The following ENKUR variants were observed in gnomAD, a reference collection of about 807,000 sequenced individuals.
ENKUR encodes the protein enkurin.
In ENKUR, 19 loss-of-function variants were observed where a neutral mutation model predicts 27.6. The ratio of observed to expected loss-of-function variants is 0.69; its 90% confidence interval spans 0.48 to 1.01. The LOEUF (loss-of-function observed/expected upper bound fraction) is 1.01, where lower values mean the gene tolerates loss of function less well. Among genes scored for constraint, ENKUR ranks in the 50% least tolerant of loss-of-function variants. The probability of loss-of-function intolerance (pLI) is 0.00; values close to 1 mark genes in which losing one functional copy is unlikely to be tolerated. For missense variants in ENKUR, 312 were observed against 310.5 expected, an observed-to-expected ratio of 1.00 and a Z score of -0.04; for synonymous variants, 117 against 96.9, an observed-to-expected ratio of 1.21 and a Z score of -1.22.
At chr10:24,984,419 T>G in intron 5 of ENKUR, 43 bp from the exon 6 acceptor site, 1 of 1,574,154 alleles carries the variant, frequency 6.4e-7, no homozygotes, top group Non-Finnish European at 8.6e-7. Context: ...GAGTGCTGAC[T>G]TTATTTTTCA....
At chr10:24,999,125 A>G (rs538413811) in intron 2 of ENKUR, among the ~76,000 whole-genome samples, 1 of 152,212 alleles carries the variant, frequency 6.6e-6, no homozygotes, top group South Asian at 2.1e-4. Flanking sequence ...GTTGTTTATA[A>G]TTGAAGCCCC....
chr10:25,020,795 A>G (rs886432366), upstream of ENKUR, among the ~76,000 whole-genome samples: 2 of 152,078 alleles, frequency 1.3e-5, no homozygotes, highest in African/African-American at 4.8e-5. Flanking sequence ...ATTATATACA[A>G]TTATTACTAA....
rs1051438465 is a variant in ENKUR at position 24,983,753 on chromosome 10, G to A, written c.*617C>T. The A allele has an allele frequency of 6.6e-6, 1 of 152,126 alleles. No homozygotes were observed. Among genetic ancestry groups the A allele is most frequent in the African/African-American group, 2.4e-5 (1 of 41,422 alleles). 9.4% of individuals were successfully genotyped at this position (152,126 alleles called of 1,614,324 possible). A position where few individuals can be genotyped will look rare whatever the true frequency, so the allele number is the denominator to read the frequency against. On this transcript the variant is annotated 3_prime_UTR_variant, in exon 6 of 6. Transcript: ENST00000331161. The stretch of plus-strand genomic sequence containing the variant: ...TATGTTGTCCAGAGGATAAAAACCA[G>A]TGTAAGCAGTAGAAATTGTTATTTC...
intron 2 of ENKUR, among the ~76,000 whole-genome samples, chr10:25,054,728 G>C (rs1588686780): frequency 1.3e-5 from 2 of 150,498 alleles, no homozygotes; most frequent in Admixed American, 6.6e-5. Context: ...TGTCACCCAG[G>C]CTGGAGTGCA....
intron 1 of ENKUR, among the ~76,000 whole-genome samples, chr10:25,003,840 C>T (rs556932695): frequency 2.6e-5 from 4 of 152,290 alleles, no homozygotes; most frequent in African/African-American, 4.8e-5. Context: ...CCCCAGCCTC[C>T]GATAGGCCCC....
chr10:24,984,650 CT>C (rs1454928762), intron 5 of ENKUR, 85 bp downstream of exon 5: 9 of 1,291,632 alleles, frequency 7.0e-6, no homozygotes, highest in Admixed American at 2.8e-5. Flanking sequence ...TAGTATTTTC[CT>C]TTTTGAAAAA....
At chr10:25,049,332 A>G (rs575509456) in intron 2 of ENKUR, among the ~76,000 whole-genome samples, 4 of 152,306 alleles carry the variant, frequency 2.6e-5, no homozygotes, top group Admixed American at 2.6e-4. Flanking sequence ...CAAAATGGCC[A>G]ATTTCAGGAG....
chr10:25,031,651 A>G (rs1248934639), intron 2 of ENKUR, among the ~76,000 whole-genome samples: 1 of 150,170 alleles, frequency 6.7e-6, no homozygotes, highest in African/African-American at 2.4e-5. Context: ...TCATCCATTT[A>G]TCCTTTCTGG....
intron 2 of ENKUR, among the ~76,000 whole-genome samples, chr10:25,041,461 A>G (rs1851063610): frequency 6.6e-6 from 1 of 152,106 alleles, no homozygotes; most frequent in East Asian, 1.9e-4. Context: ...TTTGGCCAAT[A>G]TGTCTTCAAA....
chr10:24,984,313 C>T lies in ENKUR; in HGVS notation c.*57G>A, dbSNP rs1413107305. 1.8e-5 allele frequency: 29 copies of T among 1,571,638 alleles called. 2 individuals are homozygous for T. The highest frequency in any genetic ancestry group is 3.4e-4 in the Middle Eastern group (2 of 5,904). On this transcript the variant is annotated 3_prime_UTR_variant, in exon 6 of 6. Coordinates refer to ENST00000331161, the MANE Select transcript of ENKUR (RefSeq NM_145010.4). Reference sequence around the variant, plus strand: ...GACAGTTTAGAGTAGCAAGAAGGCACGTGTTACTATTTCCAGTTCAAAATA... The same window carrying T: ...GACAGTTTAGAGTAGCAAGAAGGCATGTGTTACTATTTCCAGTTCAAAATA...
chr10:25,010,391 G>T (rs1850413126), intron 1 of ENKUR, among the ~76,000 whole-genome samples: 1 of 152,080 alleles, frequency 6.6e-6, no homozygotes, highest in Non-Finnish European at 1.5e-5. Flanking sequence ...AGTGTTAAAA[G>T]CATTCAGTTT....
At position 24,990,550 on chromosome 10, in the gene ENKUR, T is replaced by C; in HGVS notation, c.507A>G (p.Gln169=). The change falls in exon 4 of 6, where the codon CAA becomes CAG. Residue 169 remains glutamine (Q), a synonymous_variant. Transcript: ENST00000331161. ...CCTGGATATAACGATCATAGTCTTC[T>C]TGGGCTTTCTTTATTTCCTCGTTTC... ...CKRNEEIKKA[Q]EDYDRYIQEN... is the part of the protein sequence containing the mutation. 6.2e-7 allele frequency: 1 copy of C among 1,613,926 alleles called. No homozygotes were observed. Among genetic ancestry groups the C allele is most frequent in the Non-Finnish European group, 8.5e-7 (1 of 1,179,986 alleles).
At chr10:25,058,049 T>G (rs1256103425) in intron 2 of ENKUR, among the ~76,000 whole-genome samples, 2 of 151,776 alleles carry the variant, frequency 1.3e-5, no homozygotes, top group African/African-American at 4.8e-5. Flanking sequence ...CGGAGGTGAG[T>G]GAGGTTGATA....
chr10:25,005,290 C>T (rs1282724472), intron 1 of ENKUR, among the ~76,000 whole-genome samples: 1 of 152,162 alleles, frequency 6.6e-6, no homozygotes, highest in Admixed American at 6.5e-5. Context: ...CTTCAGAAAA[C>T]ATACCAAAAC....
chr10:24,988,678 A>G (rs1454460174), intron 4 of ENKUR, among the ~76,000 whole-genome samples: 33 of 2,306 alleles, frequency 0.014, no homozygotes, highest in African/African-American at 0.045. Context: ...ATATATATAT[A>G]TATATATATA....
chr10:25,010,831 G>A (rs61853333), intron 1 of ENKUR, among the ~76,000 whole-genome samples: 4 of 147,880 alleles, frequency 2.7e-5, no homozygotes, highest in Admixed American at 6.8e-5. Context: ...CATTTTCTTA[G>A]TCCAGTCTAT....
At chr10:24,988,355 T>C (rs1452954215) in intron 4 of ENKUR, among the ~76,000 whole-genome samples, 2 of 145,318 alleles carry the variant, frequency 1.4e-5, no homozygotes, top group Non-Finnish European at 3.0e-5. Context: ...TATTTATATA[T>C]GTGTATATAT....
chr10:25,058,495 G>C (rs115598505), intron 2 of ENKUR, among the ~76,000 whole-genome samples: 2 of 152,168 alleles, frequency 1.3e-5, no homozygotes, highest in Non-Finnish European at 2.9e-5. Context: ...GGCATGAGTC[G>C]TTGGGACCAG....
At position 25,016,154 on chromosome 10, in the gene ENKUR, A is replaced by C. The variant is rs541657347; in HGVS notation, c.-218T>G. 1.6e-6 allele frequency: 2 copies of C among 1,213,318 alleles called. No homozygotes were observed. Among genetic ancestry groups the C allele is most frequent in the African/African-American group, 3.1e-5 (2 of 64,180 alleles). 75.2% of individuals were successfully genotyped at this position (1,213,318 alleles called of 1,614,324 possible). ...CTCTCCGGATTGCTAAGCGTCGTTGACTGTGCGGTTGCCGTGGAAACCGTT... is the reference window on the plus strand; with the variant it reads ...CTCTCCGGATTGCTAAGCGTCGTTGCCTGTGCGGTTGCCGTGGAAACCGTT... On this transcript the variant is annotated 5_prime_UTR_variant, in exon 1 of 6. Coordinates refer to ENST00000331161, the MANE Select transcript of ENKUR (RefSeq NM_145010.4).
Sources: allele counts gnomAD v4.1 joint callset (sites outside exome capture counted in the v4.1 genomes callset), GRCh38; gene constraint gnomAD v4.1.1; transcripts MANE v1.5; gene names NCBI Gene and HGNC (gene_info 2026-07-23, HGNC 2026-07-21).